Variants in MGA observed in about 807,000 individuals in gnomAD.
The protein encoded by MGA is MAX gene-associated protein.
A neutral mutation model predicts 261.1 loss-of-function variants in MGA; 40 were observed. That is an observed-to-expected ratio of 0.15 (90% confidence interval 0.12 to 0.20). The LOEUF (loss-of-function observed/expected upper bound fraction) is 0.20. Ranked by LOEUF, MGA falls within the 10% of genes least tolerant of loss-of-function variation. MGA has a pLI of 1.00. For synonymous variants in MGA, 1,302 were observed against 1,290.6 expected, an observed-to-expected ratio of 1.01 and a Z score of -0.19; for missense variants, 3,397 against 3,630.5, an observed-to-expected ratio of 0.94 and a Z score of 1.65.
chr15:41,728,127 C>A (rs960836048), intron 10 of MGA, among the ~76,000 whole-genome samples: 48 of 151,756 alleles, frequency 3.2e-4, no homozygotes, highest in African/African-American at 1.1e-3. Flanking sequence ...GTCAGGAGTT[C>A]GACACCAGCC....
At position 41,749,674 on chromosome 15, in the gene MGA, G is replaced by T. The variant is rs1939147524; in HGVS notation, c.6067G>T (p.Asp2023Tyr). 6.2e-7 allele frequency: 1 copy of T among 1,613,906 alleles called. No individual in the cohort carries two copies. The highest frequency in any genetic ancestry group is 8.5e-7 in the Non-Finnish European group (1 of 1,179,902). Reference sequence around the variant, plus strand: ...TGCTACCTCAGAAGAAACTCTGAATGATTCCTTGGAAGATAGGGGTGATCA... The same window carrying T: ...TGCTACCTCAGAAGAAACTCTGAATTATTCCTTGGAAGATAGGGGTGATCA... Residue 2023 changes from aspartate (D) to tyrosine (Y), a missense_variant, in exon 17 of 24, where the codon GAT becomes TAT. Coordinates refer to ENST00000219905, the MANE Select transcript of MGA (RefSeq NM_001164273.2).
Position 41,742,597 on chromosome 15 carries a change from T to C in MGA, c.4637T>C (p.Val1546Ala), listed in dbSNP as rs768716343. ...TTCACACAGTTTGTGATGAGTAAAG[T>C]TGGAGCCTTGCAGCAGAAGATACCT... Residue 1546 changes from valine to alanine, a missense_variant, in exon 15 of 24, where the codon GTT (valine) becomes GCT (alanine). Val to Ala is a moderately conservative substitution (Grantham distance 64). Coordinates refer to ENST00000219905, the MANE Select transcript of MGA (RefSeq NM_001164273.2). 28 of 1,613,728 alleles carry C rather than the reference T, an allele frequency of 1.7e-5. No individual in the cohort carries two copies. Among genetic ancestry groups the C allele is most frequent in the South Asian group, 1.3e-4 (12 of 91,072 alleles).
At position 41,708,279 on chromosome 15, in the gene MGA, C is replaced by T. The variant is rs1238806820; in HGVS notation, c.2425+71C>T. ...CAGAAACCTTTTGTTAAAAGTAAGT[C>T]TTGGTTGTTTTTCTTCATTCCTTCT... On this transcript the variant is annotated intron_variant, in intron 7 of 23. Transcript: ENST00000219905. 5.3e-6 allele frequency: 6 copies of T among 1,129,958 alleles called. No homozygotes were observed. In the Admixed American group the frequency reaches 1.6e-4, roughly 29 times the overall value. 70.0% of individuals were successfully genotyped at this position (1,129,958 alleles called of 1,614,324 possible). A position where few individuals can be genotyped will look rare whatever the true frequency, so the allele number is the denominator to read the frequency against.
In MGA at chr15:41,638,688, C is replaced by CTT. The variant is rs761492514; in HGVS notation, c.-68+17409_-68+17410dup. On this transcript the variant is annotated intron_variant, in intron 1 of 8. Coordinates refer to the MGA transcript ENST00000566718. ...TTTACCTGGCCTTTCTTTTCTTTTT[C>CTT]TTTTTTTTTTTTTTTTTTTTGAGAC... Among the ~76,000 whole-genome samples the CTT allele has an allele frequency of 2.0e-3, 233 of 115,632 alleles. 1 individual carries two copies. The highest frequency in any genetic ancestry group is 6.1e-3 in the African/African-American group (184 of 29,954). 75.9% of individuals were successfully genotyped at this position (115,632 alleles called of 152,430 possible). A position where few individuals can be genotyped will look rare whatever the true frequency, so the allele number is the denominator to read the frequency against.
chr15:41,683,859 G>A (rs1473798148), intron 2 of MGA, among the ~76,000 whole-genome samples: 1 of 151,856 alleles, frequency 6.6e-6, no homozygotes, highest in East Asian at 1.9e-4. Flanking sequence ...GGGATTACAG[G>A]CGTGACCCAC....
At chr15:41,659,547 GGAGTA>G (rs2057287344), upstream of MGA, among the ~76,000 whole-genome samples, 3 of 152,344 alleles carry the variant, frequency 2.0e-5, no homozygotes, top group South Asian at 6.2e-4. Context: ...CAGCTGGTAA[GGAGTA>G]GAGAAGGAGA....
At chr15:41,671,226 T>TG (rs942343206) in intron 2 of MGA, among the ~76,000 whole-genome samples, 4 of 152,152 alleles carry the variant, frequency 2.6e-5, no homozygotes, top group Admixed American at 6.5e-5. Flanking sequence ...TGGGATGAGA[T>TG]GGGGGGGAGG....
At chr15:41,682,963 C>A (rs1373911857) in intron 2 of MGA, among the ~76,000 whole-genome samples, 2 of 152,158 alleles carry the variant, frequency 1.3e-5, no homozygotes, top group Non-Finnish European at 2.9e-5. Context: ...TCTCTCTTCA[C>A]CCCTCAATTT....
Position 41,767,289 on chromosome 15 carries a change from G to A in MGA, c.*9G>A, listed in dbSNP as rs1231492430. On this transcript the variant is annotated 3_prime_UTR_variant, in exon 24 of 24. Transcript: ENST00000219905. The stretch of plus-strand genomic sequence containing the variant: ...GTTCTGCAGGGAAATGAACTTACTT[G>A]TCCTTAAGCAGAAGCCAGGCTGTGA... 4 of 1,592,528 alleles carry A rather than the reference G, an allele frequency of 2.5e-6. No homozygotes were observed. In the South Asian group the frequency reaches 4.5e-5, roughly 18 times the overall value.
Position 41,767,488 on chromosome 15 carries a change from C to T in MGA, c.*208C>T, listed in dbSNP as rs2063859270. ...GATCATGTTAAAATGTGTTACCTCA[C>T]TTGTGGTGCTGGGTCCCCTCATCCT... is the stretch of plus-strand genomic sequence containing the variant. On this transcript the variant is annotated 3_prime_UTR_variant, in exon 24 of 24. Transcript: ENST00000219905. The T allele has an allele frequency of 1.7e-6, 1 of 592,584 alleles. No individual in the cohort carries two copies. The highest frequency in any genetic ancestry group is 1.9e-5 in the African/African-American group (1 of 53,846). The allele number at this position is 592,584 out of a possible 1,614,324, so 36.7% of individuals were successfully genotyped here.
At chr15:41,643,681 G>A (rs1307712398) in intron 1 of MGA, among the ~76,000 whole-genome samples, 1 of 151,638 alleles carries the variant, frequency 6.6e-6, no homozygotes, top group Admixed American at 6.6e-5. Flanking sequence ...TGTCTTAATA[G>A]TGAATAATAT....
intron 1 of MGA, among the ~76,000 whole-genome samples, chr15:41,638,634 A>G (rs2056757642): frequency 2.0e-5 from 3 of 150,904 alleles, no homozygotes; most frequent in Admixed American, 2.0e-4. Context: ...TTGGCCTCTC[A>G]AAGTGTTGGG....
intron 15 of MGA, among the ~76,000 whole-genome samples, chr15:41,746,629 T>C (rs976097455): frequency 6.6e-6 from 1 of 150,944 alleles, no homozygotes; most frequent in Non-Finnish European, 1.5e-5. Flanking sequence ...TTTGGTTTTG[T>C]GTTTTATTTA....
intron 23 of MGA, among the ~76,000 whole-genome samples, 163 bp from the exon 24 acceptor site, chr15:41,765,841 C>T (rs935946176): frequency 1.3e-5 from 2 of 152,002 alleles, no homozygotes; most frequent in African/African-American, 4.8e-5. Flanking sequence ...TGGGTTAGGT[C>T]AATAATTTGA....
intron 17 of MGA, chr15:41,752,263 T>C (rs1407309464): frequency 1.3e-5 from 2 of 152,128 alleles, no homozygotes; most frequent in African/African-American, 2.4e-5. Flanking sequence ...TGTTCTTATA[T>C]TGGTTATTTG....
intron 1 of MGA, among the ~76,000 whole-genome samples, chr15:41,622,882 T>C (rs930628003): frequency 7.9e-5 from 12 of 152,260 alleles, no homozygotes; most frequent in African/African-American, 2.9e-4. Flanking sequence ...TGTTTTATTA[T>C]ACCTTTTGAT....
At chr15:41,663,484 ATTGTTGTTG>A (rs34595550) in intron 1 of MGA, among the ~76,000 whole-genome samples, 2 of 150,614 alleles carry the variant, frequency 1.3e-5, no homozygotes, top group African/African-American at 2.4e-5. Flanking sequence ...TATTATTATT[ATTGTTGTTG>A]TTGTTGTTGT....
chr15:41,672,925 T>C (rs1454814715), intron 2 of MGA, among the ~76,000 whole-genome samples: 3 of 152,164 alleles, frequency 2.0e-5, no homozygotes, highest in Non-Finnish European at 4.4e-5. Flanking sequence ...TACTGATATA[T>C]GATTGCTCTG....
At chr15:41,660,787 C>A (rs1193628725) in intron 1 of MGA, among the ~76,000 whole-genome samples, 2 of 152,184 alleles carry the variant, frequency 1.3e-5, no homozygotes, top group Non-Finnish European at 2.9e-5. Context: ...AACATCGACG[C>A]CAGAGAGAGC....
Sources: gnomAD v4.1 joint callset for allele counts (sites outside exome capture counted in the v4.1 genomes callset) on GRCh38, gnomAD v4.1.1 for gene constraint, MANE v1.5 for transcripts, NCBI Gene and HGNC (gene_info 2026-07-23, HGNC 2026-07-21) for gene names.